Variants in PCDH15 observed in about 807,000 individuals in gnomAD.
PCDH15 encodes protocadherin-15.
A neutral mutation model predicts 178.5 loss-of-function variants in PCDH15; 129 were observed. The ratio of observed to expected loss-of-function variants is 0.72; its 90% CI spans 0.63 to 0.84. The LOEUF (loss-of-function observed/expected upper bound fraction) is 0.84. PCDH15 is among the 40% of genes least tolerant of loss of function. The probability of loss-of-function intolerance (pLI) is 0.00; values close to 1 mark genes in which losing one functional copy is unlikely to be tolerated. For synonymous variants in PCDH15, 800 were observed against 732.0 expected, an observed-to-expected ratio of 1.09 and a Z score of -1.50; for missense variants, 2,230 against 2,099.9, an observed-to-expected ratio of 1.06 and a Z score of -1.21.
At chr10:54,863,130 A>G (rs936070278) in intron 3 of PCDH15, among the ~76,000 whole-genome samples, 4 of 152,090 alleles carry the variant, frequency 2.6e-5, no homozygotes, top group Non-Finnish European at 4.4e-5. Context: ...CCTTTTATAG[A>G]TAGTTTAAGT....
chr10:54,797,115 G>C (rs561642063), intron 1 of PCDH15, among the ~76,000 whole-genome samples: 168 of 152,088 alleles, frequency 1.1e-3, no homozygotes, highest in African/African-American at 3.9e-3. Flanking sequence ...AATTCTATCG[G>C]AAGTTTGCCC....
chr10:55,136,495 G>T (rs745873481), intron 2 of PCDH15, among the ~76,000 whole-genome samples: 1 of 151,926 alleles, frequency 6.6e-6, no homozygotes, highest in Admixed American at 6.6e-5. Context: ...GGAAAAAAAA[G>T]AGTATTATAG....
At chr10:54,201,265 G>C (rs1010839836) in intron 10 of PCDH15, among the ~76,000 whole-genome samples, 3 of 152,060 alleles carry the variant, frequency 2.0e-5, no homozygotes, top group Non-Finnish European at 4.4e-5. Flanking sequence ...TAGTAAACTT[G>C]AGATGAAAAA....
chr10:55,157,387 G>A (rs1444428618), intron 2 of PCDH15, among the ~76,000 whole-genome samples: 2 of 148,364 alleles, frequency 1.3e-5, no homozygotes, highest in Non-Finnish European at 3.0e-5. Flanking sequence ...CATTGTGGAA[G>A]ACAGTGTGGC....
intron 2 of PCDH15, among the ~76,000 whole-genome samples, chr10:54,952,030 A>T (rs926529164): frequency 3.3e-5 from 5 of 151,708 alleles, no homozygotes; most frequent in African/African-American, 1.2e-4. Flanking sequence ...CACAGTTCAG[A>T]AGTTTTTAAT....
At chr10:54,027,396 C>T (rs1189999465) in intron 18 of PCDH15, among the ~76,000 whole-genome samples, 1 of 152,232 alleles carries the variant, frequency 6.6e-6, no homozygotes, top group African/African-American at 2.4e-5. Context: ...ATGCCATCCC[C>T]ATCAAGCTAC....
At chr10:55,173,279 G>GTTCTC (rs1839387432) in intron 1 of PCDH15, among the ~76,000 whole-genome samples, 1 of 146,190 alleles carries the variant, frequency 6.8e-6, no homozygotes, top group Non-Finnish European at 1.5e-5. Flanking sequence ...TGACAAAATA[G>GTTCTC]GAATCCTTTG....
intron 3 of PCDH15, among the ~76,000 whole-genome samples, chr10:54,825,336 G>A (rs1240721885): frequency 3.4e-5 from 5 of 147,860 alleles, no homozygotes; most frequent in East Asian, 3.9e-4. Context: ...ATAAACATAC[G>A]TGTGCATGTG....
rs1029348867 is a variant in PCDH15, at chr10:53,812,457, C to A, written c.4492-838G>T. Among the ~76,000 whole-genome samples, 7 of 152,104 alleles carry A rather than the reference C, an allele frequency of 4.6e-5. No homozygotes were observed. The East Asian group carries it at 5.8e-4, about 13-fold the overall frequency. Reference sequence around the variant, plus strand: ...CTTGATCTCCTGACCTCGTGATCAGCCCCAATCGGCCTCCCAAAGTGCTGG... The same window carrying A: ...CTTGATCTCCTGACCTCGTGATCAGACCCAATCGGCCTCCCAAAGTGCTGG... On this transcript the variant is annotated intron_variant, in intron 35 of 37. Transcript: ENST00000644397.
chr10:54,473,626 C>G (rs910471425), intron 3 of PCDH15, among the ~76,000 whole-genome samples: 2 of 151,922 alleles, frequency 1.3e-5, no homozygotes, highest in Non-Finnish European at 2.9e-5. Flanking sequence ...TATTAAAATA[C>G]CATGCTGTCT....
At chr10:55,091,433 A>T (rs1412787882) in intron 2 of PCDH15, among the ~76,000 whole-genome samples, 1 of 150,948 alleles carries the variant, frequency 6.6e-6, no homozygotes, top group Non-Finnish European at 1.5e-5. Context: ...ATGCACTTTT[A>T]AAAAATGCTA....
chr10:55,122,733 A>G (rs1354936349), intron 2 of PCDH15, among the ~76,000 whole-genome samples: 2 of 152,162 alleles, frequency 1.3e-5, no homozygotes, highest in Non-Finnish European at 2.9e-5. Context: ...TAACAATAAA[A>G]ATATTGGTAG....
chr10:53,959,004 AGAACAG>A (rs2087953283), intron 23 of PCDH15, among the ~76,000 whole-genome samples: 1 of 126,784 alleles, frequency 7.9e-6, no homozygotes, highest in African/African-American at 2.8e-5. Context: ...AAAAAAAAAA[AGAACAG>A]AATTTTCTGT....
chr10:55,350,226 CTCATATATATATATATATAT>C (rs1168195232), intron 2 of PCDH15, among the ~76,000 whole-genome samples: 3 of 79,180 alleles, frequency 3.8e-5, no homozygotes. Context: ...CATATATAAA[CTCATATATATATATATATAT>C]ATATATATAT....
At chr10:55,598,545 T>TAG (rs1415670224) in intron 2 of PCDH15, among the ~76,000 whole-genome samples, 5 of 45,160 alleles carry the variant, frequency 1.1e-4, no homozygotes, top group African/African-American at 6.1e-4. Flanking sequence ...TATATATATA[T>TAG]ATATATATAT....
At chr10:55,022,737 G>A (rs1323274241) in intron 2 of PCDH15, among the ~76,000 whole-genome samples, 13 of 135,040 alleles carry the variant, frequency 9.6e-5, no homozygotes, top group African/African-American at 3.4e-4. Context: ...TTGAGACAGA[G>A]TCTGGCTCAG....
intron 26 of PCDH15, among the ~76,000 whole-genome samples, chr10:53,899,973 T>G (rs2133613545): frequency 8.3e-6 from 1 of 120,946 alleles, no homozygotes; most frequent in Admixed American, 9.5e-5. Context: ...TTACTTAGTT[T>G]GTTTCCTCTA....
At chr10:55,207,830 G>A (rs1312317413) in intron 1 of PCDH15, among the ~76,000 whole-genome samples, 2 of 151,990 alleles carry the variant, frequency 1.3e-5, no homozygotes, top group African/African-American at 4.8e-5. Context: ...TTAGCTGGGC[G>A]TGGTGGCACA....
At chr10:54,916,604 C>A (rs1315036793) in intron 2 of PCDH15, among the ~76,000 whole-genome samples, 1 of 152,098 alleles carries the variant, frequency 6.6e-6, no homozygotes, top group Non-Finnish European at 1.5e-5. Flanking sequence ...ATTTTCCATC[C>A]TATGGCATAT....
Sources: gnomAD v4.1 joint callset for allele counts (sites outside exome capture counted in the v4.1 genomes callset) on GRCh38, gnomAD v4.1.1 for gene constraint, MANE v1.5 for transcripts, NCBI Gene and HGNC (gene_info 2026-07-23, HGNC 2026-07-21) for gene names.